CORO1C: variants seen among roughly 807,000 people sequenced by gnomAD.
CORO1C encodes coronin 1C.
A neutral mutation model predicts 51.2 loss-of-function variants in CORO1C; 14 were observed. The observed-to-expected ratio is 0.27, with a 90% CI of 0.18 to 0.43. The LOEUF is 0.43. Ranked by LOEUF, CORO1C falls within the 20% of genes least tolerant of loss-of-function variation. CORO1C has a pLI of 1.00. For synonymous variants in CORO1C, 181 were observed against 210.5 expected, an observed-to-expected ratio of 0.86 and a Z score of 1.21; for missense variants, 417 against 607.8, an observed-to-expected ratio of 0.69 and a Z score of 3.30.
chr12:108,673,377 GA>G (rs1178075829), intron 3 of CORO1C, among the ~76,000 whole-genome samples: 3 of 152,214 alleles, frequency 2.0e-5, no homozygotes, highest in Admixed American at 2.0e-4. Flanking sequence ...AGCTGCAGAA[GA>G]AAAGTTGGAA....
chr12:108,662,451 C>T (rs1290290311), intron 3 of CORO1C, among the ~76,000 whole-genome samples: 4 of 152,150 alleles, frequency 2.6e-5, no homozygotes, highest in African/African-American at 9.7e-5. Flanking sequence ...AAGCAATTCT[C>T]CTGCCTCAGA....
chr12:108,730,271 G>A (rs1262473319), intron 1 of CORO1C: 2 of 152,228 alleles, frequency 1.3e-5, no homozygotes. Flanking sequence ...AATATAGGAT[G>A]TGTTTCTAAA....
chr12:108,714,556 T>C (rs142863747), intron 1 of CORO1C, among the ~76,000 whole-genome samples: 2,015 of 150,462 alleles, frequency 0.013, 14 homozygotes, highest in Admixed American at 0.021. Flanking sequence ...AGCTCAGGAG[T>C]TGGAGACCAG....
chr12:108,721,482 C>A (rs2035471800), intron 1 of CORO1C, among the ~76,000 whole-genome samples: 1 of 152,176 alleles, frequency 6.6e-6, no homozygotes, highest in South Asian at 2.1e-4. Flanking sequence ...TGCTTGAGGG[C>A]TGGAGGAGGC....
At chr12:108,727,032 A>C (rs902387683) in intron 1 of CORO1C, among the ~76,000 whole-genome samples, 8 of 152,266 alleles carry the variant, frequency 5.3e-5, no homozygotes, top group African/African-American at 1.9e-4. Context: ...TGATAATCAG[A>C]GAAACCCACT....
At chr12:108,663,336 C>T (rs117865607) in intron 3 of CORO1C, among the ~76,000 whole-genome samples, 4,588 of 152,242 alleles carry the variant, frequency 0.03, 89 homozygotes, top group Non-Finnish European at 0.049. Flanking sequence ...AGGGATATAC[C>T]CAAGAGGATG....
At chr12:108,656,827 T>C (rs886144969) in intron 6 of CORO1C, among the ~76,000 whole-genome samples, 1 of 152,342 alleles carries the variant, frequency 6.6e-6, no homozygotes, top group African/African-American at 2.4e-5. Context: ...AGATGTGCTT[T>C]GTTGAACAGA....
chr12:108,724,796 T>C (rs1268377529), intron 1 of CORO1C, among the ~76,000 whole-genome samples: 2 of 152,240 alleles, frequency 1.3e-5, no homozygotes, highest in African/African-American at 4.8e-5. Context: ...CTCCCATTTA[T>C]AGTCTCTCTC....
intron 6 of CORO1C, among the ~76,000 whole-genome samples, chr12:108,654,787 C>T (rs1383097722): frequency 6.6e-6 from 1 of 151,950 alleles, no homozygotes; most frequent in Non-Finnish European, 1.5e-5. Flanking sequence ...ACTGCAATCT[C>T]CGCCTCCCAA....
rs200154631 is a variant in CORO1C at position 108,678,099 on chromosome 12, C to CTGTA, written c.318+169_318+172dup. ...TTTAAGGGCTTCTTGAAAGGATTAT[C>CTGTA]TGTAATTAAACTTAAACGTAGTAAA... is the stretch of plus-strand genomic sequence containing the variant. On this transcript the variant is annotated intron_variant, in intron 3 of 10. Coordinates refer to ENST00000261401, the MANE Select transcript of CORO1C (RefSeq NM_014325.4). Among the ~76,000 whole-genome samples the CTGTA allele has an allele frequency of 8.7e-4, 133 of 152,186 alleles. 1 individual carries two copies. In the East Asian group the frequency reaches 0.024, roughly 27 times the overall value.
At chr12:108,714,958 C>T (rs1225169193) in intron 1 of CORO1C, among the ~76,000 whole-genome samples, 1 of 152,090 alleles carries the variant, frequency 6.6e-6, no homozygotes, top group East Asian at 1.9e-4. Flanking sequence ...AAGCAGTGAG[C>T]GCATTGCAGA....
intron 1 of CORO1C, among the ~76,000 whole-genome samples, chr12:108,715,986 C>T (rs1041262099): frequency 6.6e-6 from 1 of 151,688 alleles, no homozygotes; most frequent in Non-Finnish European, 1.5e-5. Context: ...CAAAAATTGG[C>T]CAGGCGTGGT....
At position 108,648,548 on chromosome 12, in the gene CORO1C, T is replaced by C. The variant is rs77747402; in HGVS notation, c.1305+57A>G. ...CGCCGACGCCCTGGACCACAAGGGCTTTCTAGAGGATAAAGCCTGAACCAG... is the reference window on the plus strand; with the variant it reads ...CGCCGACGCCCTGGACCACAAGGGCCTTCTAGAGGATAAAGCCTGAACCAG... On this transcript the variant is annotated intron_variant, in intron 10 of 10. Coordinates refer to ENST00000261401, the MANE Select transcript of CORO1C (RefSeq NM_014325.4). 3.5e-3 allele frequency: 5,695 copies of C among 1,607,634 alleles called. 170 individuals are homozygous for C. In the African/African-American group the frequency reaches 0.069, roughly 19 times the overall value.
chr12:108,690,364 G>C (rs1392725082), intron 2 of CORO1C, among the ~76,000 whole-genome samples: 2 of 152,198 alleles, frequency 1.3e-5, no homozygotes, highest in African/African-American at 2.4e-5. Flanking sequence ...AAGCTGCTGG[G>C]GAGAGGGAGT....
chr12:108,685,671 CA>C (rs779764528), intron 2 of CORO1C, among the ~76,000 whole-genome samples: 3 of 151,946 alleles, frequency 2.0e-5, no homozygotes, highest in Non-Finnish European at 2.9e-5. Flanking sequence ...ATCAGAAACA[CA>C]GTTAATAAAA....
intron 1 of CORO1C, among the ~76,000 whole-genome samples, chr12:108,711,679 C>CAA (rs766919638): frequency 3.1e-4 from 19 of 60,496 alleles, no homozygotes; most frequent in Non-Finnish European, 3.4e-4. Context: ...AACTCCGTCT[C>CAA]AAAAAAAAAA....
At chr12:108,661,161 T>C (rs771504614) in intron 4 of CORO1C, among the ~76,000 whole-genome samples, 1 of 152,218 alleles carries the variant, frequency 6.6e-6, no homozygotes, top group African/African-American at 2.4e-5. Flanking sequence ...ATACAGAATA[T>C]TTCCATCACC....
At chr12:108,726,886 C>A (rs943429154) in intron 1 of CORO1C, among the ~76,000 whole-genome samples, 1 of 152,166 alleles carries the variant, frequency 6.6e-6, no homozygotes, top group Non-Finnish European at 1.5e-5. Flanking sequence ...CGAGAATGTT[C>A]TGCCATTGGG....
intron 1 of CORO1C, among the ~76,000 whole-genome samples, chr12:108,706,978 C>A (rs1372923975): frequency 1.3e-5 from 2 of 152,102 alleles, no homozygotes; most frequent in African/African-American, 4.8e-5. Flanking sequence ...TAGAAATAAA[C>A]TTAATCAAGG....
Sources: allele counts gnomAD v4.1 joint callset (sites outside exome capture counted in the v4.1 genomes callset), GRCh38; gene constraint gnomAD v4.1.1; transcripts MANE v1.5; gene names NCBI Gene and HGNC (gene_info 2026-07-23, HGNC 2026-07-21).